Variants in GRM7 observed in about 807,000 individuals in gnomAD.
The protein encoded by GRM7 is metabotropic glutamate receptor 7.
GRM7 carries 35 observed loss-of-function variants against 84.5 expected under a neutral mutation model. That is an observed-to-expected ratio of 0.41 (90% confidence interval 0.32 to 0.55). GRM7 has a LOEUF of 0.55. Among genes scored for constraint, GRM7 ranks in the 20% least tolerant of loss-of-function variants. The pLI, the probability that GRM7 is intolerant of heterozygous loss-of-function variation, is 0.19. For missense variants in GRM7, 1,003 were observed against 1,194.6 expected (o/e 0.84, Z 2.36); for synonymous variants, 487 against 455.1 (o/e 1.07, Z -0.89).
chr3:7,323,854 C>T (rs971275602), intron 4 of GRM7, among the ~76,000 whole-genome samples: 3 of 152,106 alleles, frequency 2.0e-5, no homozygotes, highest in African/African-American at 7.2e-5. Flanking sequence ...AAAGTAAGAA[C>T]TACTTTAGAG....
intron 2 of GRM7, among the ~76,000 whole-genome samples, chr3:7,279,573 A>C (rs912501728): frequency 9.9e-5 from 15 of 152,150 alleles, no homozygotes; most frequent in African/African-American, 3.6e-4. Flanking sequence ...TAAGCAGAGG[A>C]AGTTCTCTGT....
chr3:7,738,750 G>C (rs1257574625), intron 9 of GRM7, among the ~76,000 whole-genome samples: 2 of 131,614 alleles, frequency 1.5e-5, no homozygotes, highest in African/African-American at 5.7e-5. Context: ...CCCTTCTTTT[G>C]TCCTGAGGAT....
intron 1 of GRM7, among the ~76,000 whole-genome samples, chr3:6,888,132 C>A (rs1157614841): frequency 6.6e-6 from 1 of 151,932 alleles, no homozygotes; most frequent in Non-Finnish European, 1.5e-5. Flanking sequence ...TGGATATTAG[C>A]CCTTTGTCAG....
intron 1 of GRM7, among the ~76,000 whole-genome samples, chr3:6,974,811 A>G (rs1050403358): frequency 6.6e-6 from 1 of 152,204 alleles, no homozygotes; most frequent in Non-Finnish European, 1.5e-5. Context: ...TTAGAAAAGT[A>G]GAGGAAAAAT....
chr3:7,421,104 T>G (rs920902367), intron 5 of GRM7, among the ~76,000 whole-genome samples: 2 of 152,244 alleles, frequency 1.3e-5, no homozygotes, highest in African/African-American at 2.4e-5. Context: ...GTAAGTGTCA[T>G]GCTAACTCTA....
chr3:7,681,335 A>G (rs548581430), intron 9 of GRM7: 37 of 152,332 alleles, frequency 2.4e-4, no homozygotes, highest in African/African-American at 8.9e-4. Flanking sequence ...AGGAAGTCTC[A>G]ATTTTAAGTA....
chr3:6,901,891 G>A (rs1696400142), intron 1 of GRM7, among the ~76,000 whole-genome samples: 1 of 151,716 alleles, frequency 6.6e-6, no homozygotes, highest in East Asian at 1.9e-4. Flanking sequence ...GTCCTCTTAA[G>A]TTTCTATTTG....
chr3:7,029,797 C>T (rs1012047723), intron 1 of GRM7, among the ~76,000 whole-genome samples: 11 of 152,090 alleles, frequency 7.2e-5, no homozygotes, highest in African/African-American at 1.7e-4. Flanking sequence ...GTGATGGTTA[C>T]GCAATCGTGC....
chr3:7,099,951 AT>A (rs1699052544), intron 1 of GRM7, among the ~76,000 whole-genome samples: 1 of 147,808 alleles, frequency 6.8e-6, no homozygotes, highest in Non-Finnish European at 1.5e-5. Context: ...TACATTATGT[AT>A]ATATACATAT....
intron 9 of GRM7, among the ~76,000 whole-genome samples, chr3:7,717,206 G>A (rs565255790): frequency 6.6e-6 from 1 of 151,892 alleles, no homozygotes; most frequent in East Asian, 1.9e-4. Context: ...TTATAGATGG[G>A]TCAATTTTAG....
At chr3:7,687,729 C>A (rs919405215) in intron 9 of GRM7, among the ~76,000 whole-genome samples, 1 of 152,074 alleles carries the variant, frequency 6.6e-6, no homozygotes, top group African/African-American at 2.4e-5. Flanking sequence ...TCTTCCCATC[C>A]TTGTTTGTGT....
intron 2 of GRM7, among the ~76,000 whole-genome samples, chr3:7,270,507 A>AT (rs1356860846): frequency 4.0e-5 from 6 of 151,770 alleles, no homozygotes; most frequent in African/African-American, 1.5e-4. Flanking sequence ...AATTATTATT[A>AT]TTTTTTCTCA....
chr3:6,991,772 C>A (rs1244379089), intron 1 of GRM7, among the ~76,000 whole-genome samples: 1 of 152,056 alleles, frequency 6.6e-6, no homozygotes, highest in East Asian at 1.9e-4. Context: ...TGTGCATGCA[C>A]ATGTGTGTGT....
chr3:7,675,715 TCAA>T (rs1370961280), intron 8 of GRM7, among the ~76,000 whole-genome samples: 1 of 152,176 alleles, frequency 6.6e-6, no homozygotes, highest in Admixed American at 6.5e-5. Context: ...TATTACTTAA[TCAA>T]CAACCTATAC....
intron 5 of GRM7, among the ~76,000 whole-genome samples, chr3:7,435,195 A>T (rs1696994355): frequency 6.7e-6 from 1 of 150,220 alleles, no homozygotes; most frequent in African/African-American, 2.5e-5. Context: ...ACAGTGTCTC[A>T]CTTTGTTGCC....
rs548729387 is a variant in GRM7, at chr3:7,324,955, C to A, written c.1033+18303C>A. Among the ~76,000 whole-genome samples, 284 of 152,260 alleles carry A rather than the reference C, an allele frequency of 1.9e-3. 1 individual carries two copies. The highest frequency in any genetic ancestry group is 3.4e-3 in the Middle Eastern group (1 of 294). ...TATCAGCCAGGTCCTGCAGCTTTTC[C>A]AACGTGTAATTTATCTCCTCACTTA... On this transcript the variant is annotated intron_variant, in intron 4 of 9. Transcript: ENST00000357716.
chr3:7,522,682 G>T (rs943177646), intron 7 of GRM7, among the ~76,000 whole-genome samples: 3 of 152,164 alleles, frequency 2.0e-5, no homozygotes, highest in African/African-American at 4.8e-5. Context: ...AAGACTGAAA[G>T]AATTAAGTAA....
chr3:7,473,619 C>G (rs548602072), intron 7 of GRM7, among the ~76,000 whole-genome samples: 2 of 152,004 alleles, frequency 1.3e-5, no homozygotes, highest in Non-Finnish European at 2.9e-5. Flanking sequence ...AATTAAGGCA[C>G]TTCTTTCAAT....
At chr3:7,628,122 A>C (rs1697701393) in intron 8 of GRM7, among the ~76,000 whole-genome samples, 1 of 152,154 alleles carries the variant, frequency 6.6e-6, no homozygotes, top group African/African-American at 2.4e-5. Flanking sequence ...ATCTTTAAAA[A>C]ACTTGAGGCA....
Sources: gnomAD v4.1 joint callset for allele counts (sites outside exome capture counted in the v4.1 genomes callset) on GRCh38, gnomAD v4.1.1 for gene constraint, MANE v1.5 for transcripts, NCBI Gene and HGNC (gene_info 2026-07-23, HGNC 2026-07-21) for gene names.